Variants in DMRT1 observed in about 807,000 individuals in gnomAD.
The protein encoded by DMRT1 is doublesex and mab-3 related transcription factor 1, also known as doublesex- and mab-3-related transcription factor 1.
A neutral mutation model predicts 32.3 loss-of-function variants in DMRT1; 7 were observed. That is an observed-to-expected ratio of 0.22 (90% confidence interval 0.12 to 0.41). The LOEUF (loss-of-function observed/expected upper bound fraction) is 0.41, where lower values mean the gene tolerates loss of function less well. DMRT1 is among the 10% of genes least tolerant of loss of function. The pLI, the probability that DMRT1 is intolerant of heterozygous loss-of-function variation, is 1.00. For synonymous variants in DMRT1, 278 were observed against 206.1 expected, an observed-to-expected ratio of 1.35 and a Z score of -2.99; for missense variants, 625 against 500.5, an observed-to-expected ratio of 1.25 and a Z score of -2.37.
chr9:930,893 T>C (rs775788818), intron 4 of DMRT1, among the ~76,000 whole-genome samples: 1 of 152,198 alleles, frequency 6.6e-6, no homozygotes, highest in Non-Finnish European at 1.5e-5. Flanking sequence ...TACCATAAAA[T>C]TCATCCTTTT....
intron 3 of DMRT1, among the ~76,000 whole-genome samples, chr9:899,853 C>G (rs183181767): frequency 9.2e-4 from 140 of 152,372 alleles, no homozygotes; most frequent in African/African-American, 3.3e-3. Flanking sequence ...GCCCTCTTGA[C>G]TGCTTTTCCA....
At chr9:926,157 G>A (rs1413258962) in intron 4 of DMRT1, among the ~76,000 whole-genome samples, 3 of 99,764 alleles carry the variant, frequency 3.0e-5, no homozygotes, top group South Asian at 5.1e-4. Context: ...TAAACCCTTC[G>A]GCATATCAGG....
intron 3 of DMRT1, among the ~76,000 whole-genome samples, chr9:901,000 G>GTTT (rs34176929): frequency 6.7e-6 from 1 of 150,024 alleles, no homozygotes; most frequent in African/African-American, 2.5e-5. Context: ...CTCTACTTCA[G>GTTT]TTTTTTTTTT....
chr9:871,321 C>T (rs905776177), intron 2 of DMRT1, among the ~76,000 whole-genome samples: 8 of 151,134 alleles, frequency 5.3e-5, no homozygotes, highest in South Asian at 4.2e-4. Context: ...ACCGGTAGCC[C>T]GGCTGGTCTT....
rs542879506 is a variant in DMRT1 at position 870,572 on chromosome 9, G to A, written c.539-23340G>A. Among the ~76,000 whole-genome samples, 102 of 152,154 alleles carry A rather than the reference G, an allele frequency of 6.7e-4. 1 individual carries two copies. The highest frequency in any genetic ancestry group is 6.0e-3 in the South Asian group (29 of 4,814). ...ACAGCATTGTAGTCTCTTCTCAGAA[G>A]GTTAAGCTTTCTGATACTTTTTTAG... On this transcript the variant is annotated intron_variant, in intron 2 of 4. Transcript: ENST00000382276.
intron 2 of DMRT1, among the ~76,000 whole-genome samples, chr9:868,548 CT>C (rs1026467649): frequency 3.3e-5 from 5 of 152,210 alleles, no homozygotes; most frequent in Non-Finnish European, 7.3e-5. Flanking sequence ...AGCTATGTTT[CT>C]TTGTGTGCTG....
intron 4 of DMRT1, among the ~76,000 whole-genome samples, chr9:941,331 C>CG (rs1233534824): frequency 8.7e-6 from 1 of 114,616 alleles, no homozygotes; most frequent in Non-Finnish European, 1.7e-5. Flanking sequence ...ACACCCCCTC[C>CG]CCCCCCCCAC....
intron 3 of DMRT1, among the ~76,000 whole-genome samples, chr9:901,527 A>G (rs967410533): frequency 3.3e-5 from 5 of 150,788 alleles, no homozygotes; most frequent in South Asian, 2.1e-4. Flanking sequence ...GGGTTTCACC[A>G]TGTTGGCCAG....
At chr9:922,221 AT>A (rs1405357343) in intron 4 of DMRT1, among the ~76,000 whole-genome samples, 1 of 151,852 alleles carries the variant, frequency 6.6e-6, no homozygotes, top group Admixed American at 6.6e-5. Flanking sequence ...TTTTTATTGT[AT>A]TTTGCCAAAG....
intron 4 of DMRT1, among the ~76,000 whole-genome samples, chr9:926,606 A>G (rs1818531565): frequency 6.6e-6 from 1 of 152,064 alleles, no homozygotes. Flanking sequence ...TTATTCTGTA[A>G]AAGCTATAGA....
chr9:905,593 G>A (rs79147300), intron 3 of DMRT1, among the ~76,000 whole-genome samples: 1 of 151,788 alleles, frequency 6.6e-6, no homozygotes, highest in Admixed American at 6.6e-5. Context: ...TTTTTTGTTT[G>A]AGTCATTTGT....
rs550970117 is a variant in DMRT1, at chr9:850,739, G to C, written c.538+3596G>C. On this transcript the variant is annotated intron_variant, in intron 2 of 4. Transcript: ENST00000382276. ...TGACCTAGAATTCCACTGTATAGAT[G>C]TGAGGCCAGCCAGGCGCAGTGGCTC... Among the ~76,000 whole-genome samples the C allele has an allele frequency of 8.0e-5, 6 of 75,134 alleles. No individual in the cohort carries two copies. In the East Asian group the frequency reaches 1.2e-3, roughly 15 times the overall value. The allele number at this position is 75,134 out of a possible 152,430, so 49.3% of individuals were successfully genotyped here.
At chr9:949,484 G>A (rs139376990) in intron 4 of DMRT1, among the ~76,000 whole-genome samples, 2 of 152,112 alleles carry the variant, frequency 1.3e-5, no homozygotes, top group African/African-American at 2.4e-5. Flanking sequence ...GTATACACCC[G>A]TGACACGATC....
intron 4 of DMRT1, among the ~76,000 whole-genome samples, chr9:947,884 A>G (rs1230233142): frequency 2.0e-5 from 3 of 152,118 alleles, no homozygotes; most frequent in African/African-American, 7.2e-5. Context: ...GCTGGATTCT[A>G]TGTTAGCTTC....
chr9:869,881 A>C (rs1392420077), intron 2 of DMRT1, among the ~76,000 whole-genome samples: 2 of 152,128 alleles, frequency 1.3e-5, no homozygotes, highest in Non-Finnish European at 2.9e-5. Flanking sequence ...CTTGTAATAA[A>C]GTCCTGTGTA....
At chr9:858,518 A>C (rs1244448323) in intron 2 of DMRT1, among the ~76,000 whole-genome samples, 1 of 147,912 alleles carries the variant, frequency 6.8e-6, no homozygotes, top group Non-Finnish European at 1.5e-5. Flanking sequence ...TCCTCTTTTT[A>C]TATTAATTAA....
chr9:908,128 C>T (rs1817844291), intron 3 of DMRT1, among the ~76,000 whole-genome samples: 1 of 152,020 alleles, frequency 6.6e-6, no homozygotes, highest in South Asian at 2.1e-4. Flanking sequence ...ATCCTGATAT[C>T]CTATGGGGTT....
chr9:960,326 G>C (rs1819730558), intron 4 of DMRT1, among the ~76,000 whole-genome samples: 1 of 152,204 alleles, frequency 6.6e-6, no homozygotes, highest in South Asian at 2.1e-4. Flanking sequence ...AACATTCAGA[G>C]GTGTTGGGTG....
intron 3 of DMRT1, among the ~76,000 whole-genome samples, chr9:913,912 G>T (rs1818079476): frequency 6.6e-6 from 1 of 151,980 alleles, no homozygotes; most frequent in African/African-American, 2.4e-5. Flanking sequence ...TTTTTAAAGG[G>T]TTTCCTTTGG....
Sources: gnomAD v4.1 joint callset for allele counts (sites outside exome capture counted in the v4.1 genomes callset) on GRCh38, gnomAD v4.1.1 for gene constraint, MANE v1.5 for transcripts, NCBI Gene and HGNC (gene_info 2026-07-23, HGNC 2026-07-21) for gene names.